FRMD6: variants seen among roughly 807,000 people sequenced by gnomAD.
FRMD6 encodes FERM domain containing 6, also known as FERM domain-containing protein 6.
Under a neutral mutation model 73.2 loss-of-function variants are expected in FRMD6, and 37 were observed. The ratio of observed to expected loss-of-function variants is 0.51; its 90% confidence interval spans 0.39 to 0.66. The LOEUF is 0.66. Ranked by LOEUF, FRMD6 falls within the 30% of genes least tolerant of loss-of-function variation. The probability of loss-of-function intolerance (pLI) is 0.00; values close to 1 mark genes in which losing one functional copy is unlikely to be tolerated. For synonymous variants in FRMD6, 273 were observed against 282.2 expected, an observed-to-expected ratio of 0.97 and a Z score of 0.33; for missense variants, 714 against 780.5, an observed-to-expected ratio of 0.91 and a Z score of 1.02.
At chr14:51,678,460 A>G (rs181353844) in intron 1 of FRMD6, among the ~76,000 whole-genome samples, 1 of 152,182 alleles carries the variant, frequency 6.6e-6, no homozygotes, top group Non-Finnish European at 1.5e-5. Flanking sequence ...GAAGAAATGT[A>G]CACATTTCCT....
At chr14:51,447,005 G>A in the FRMD6 span, among the ~76,000 whole-genome samples, 2 of 152,174 alleles carry the variant, frequency 1.3e-5, no homozygotes. Context: ...CTGTGAGGAA[G>A]TACTGAATGA....
intron 1 of FRMD6, among the ~76,000 whole-genome samples, chr14:51,500,337 A>C (rs1182184269): frequency 6.6e-6 from 1 of 151,980 alleles, no homozygotes; most frequent in Non-Finnish European, 1.5e-5. Context: ...GACCAGCTTG[A>C]CCTACATGGT....
intron 8 of FRMD6, among the ~76,000 whole-genome samples, 181 bp downstream of exon 8, chr14:51,711,777 A>G (rs1381086187): frequency 2.6e-5 from 4 of 152,202 alleles, no homozygotes; most frequent in Admixed American, 6.5e-5. Flanking sequence ...CTGATTGTTG[A>G]CAGTAATAAG....
intron 1 of FRMD6, among the ~76,000 whole-genome samples, chr14:51,679,555 CTTTTTTTTT>C (rs61250963): frequency 8.3e-6 from 1 of 120,588 alleles, no homozygotes; most frequent in Non-Finnish European, 1.8e-5. Context: ...CATTTGTTTT[CTTTTTTTTT>C]TTTTTTTTTG....
chr14:51,503,590 C>G (rs1354459911), intron 1 of FRMD6, among the ~76,000 whole-genome samples: 1 of 151,902 alleles, frequency 6.6e-6, no homozygotes, highest in Non-Finnish European at 1.5e-5. Flanking sequence ...GGTGGATAAG[C>G]TTTTTAACAT....
upstream of FRMD6, chr14:51,651,187 C>T (rs1191471672): frequency 3.3e-5 from 5 of 152,382 alleles, no homozygotes; most frequent in Admixed American, 2.6e-4. Context: ...GCACTAAAAC[C>T]ACAGCAGACA....
intron 2 of FRMD6, among the ~76,000 whole-genome samples, chr14:51,593,955 G>A (rs1889551781): frequency 6.6e-6 from 1 of 151,892 alleles, no homozygotes; most frequent in South Asian, 2.1e-4. Flanking sequence ...ACTTTCTGAA[G>A]CAAAAGTAAG....
rs546656632 is a variant in FRMD6 at position 51,558,191 on chromosome 14, G to A, written c.-209-12157G>A. ...ACCTTTTTAAAAATTAAATGAGGCC[G>A]GGCACGATGGCTCACACCTGTAATC... On this transcript the variant is annotated intron_variant, in intron 1 of 14. Coordinates refer to the FRMD6 transcript ENST00000356218. Among the ~76,000 whole-genome samples, 56 of 151,974 alleles carry A rather than the reference G, an allele frequency of 3.7e-4. 1 individual carries two copies. The highest frequency in any genetic ancestry group is 1.2e-3 in the African/African-American group (49 of 41,460).
chr14:51,642,543 A>G (rs1051869525), intron 2 of FRMD6, among the ~76,000 whole-genome samples: 1 of 152,176 alleles, frequency 6.6e-6, no homozygotes. Context: ...TCTCCTAAGT[A>G]AATAAATAAA....
At chr14:51,648,616 T>C (rs183883234), upstream of FRMD6, among the ~76,000 whole-genome samples, 165 of 152,326 alleles carry the variant, frequency 1.1e-3, no homozygotes, top group African/African-American at 3.8e-3. Context: ...CAGGGGATGT[T>C]TGATGCTCTC....
At chr14:51,514,277 T>A (rs181571437) in intron 1 of FRMD6, among the ~76,000 whole-genome samples, 63 of 152,184 alleles carry the variant, frequency 4.1e-4, no homozygotes, top group African/African-American at 1.5e-3. Context: ...TTCTCAATAA[T>A]TTTTAAGATA....
upstream of FRMD6, chr14:51,650,949 T>A (rs1892327877): frequency 6.6e-6 from 1 of 152,148 alleles, no homozygotes; most frequent in South Asian, 2.1e-4. Flanking sequence ...GTGCTGGGTG[T>A]CTCTCCTTTC....
the FRMD6 span, among the ~76,000 whole-genome samples, chr14:51,420,293 TA>T: frequency 6.6e-6 from 1 of 152,212 alleles, no homozygotes; most frequent in Admixed American, 6.5e-5. Flanking sequence ...AAGACGTGGT[TA>T]AAAAATTTGG....
rs1469962924 is a variant in FRMD6, at chr14:51,644,227, A to G, written c.-146-45464A>G. On this transcript the variant is annotated intron_variant, in intron 2 of 14. Transcript: ENST00000356218. ...ATAAGGTGTCCCATTCAAATCAACCAAGGCTTCTTAAGGGATAGATCATTT... is the reference window on the plus strand; with the variant it reads ...ATAAGGTGTCCCATTCAAATCAACCGAGGCTTCTTAAGGGATAGATCATTT... Among the ~76,000 whole-genome samples the G allele has an allele frequency of 7.9e-5, 12 of 152,172 alleles. No homozygotes were observed. The East Asian group carries it at 2.3e-3, about 29-fold the overall frequency.
chr14:51,642,071 T>G (rs1891837383), intron 2 of FRMD6, among the ~76,000 whole-genome samples: 2 of 152,212 alleles, frequency 1.3e-5, no homozygotes, highest in South Asian at 4.2e-4. Context: ...ACTTAAAGGC[T>G]TAAACTGTAG....
At chr14:51,671,034 A>G (rs185646360) in intron 1 of FRMD6, among the ~76,000 whole-genome samples, 35 of 152,268 alleles carry the variant, frequency 2.3e-4, no homozygotes, top group African/African-American at 8.2e-4. Flanking sequence ...TCAGTTTTTC[A>G]TCTTTTGTGG....
intron 2 of FRMD6, among the ~76,000 whole-genome samples, chr14:51,640,708 T>C (rs187405807): frequency 1.2e-4 from 18 of 152,338 alleles, no homozygotes; most frequent in Non-Finnish European, 1.0e-4. Flanking sequence ...AAAATGGCTT[T>C]AATCCATATG....
intron 2 of FRMD6, among the ~76,000 whole-genome samples, chr14:51,618,522 T>C (rs890354093): frequency 1.3e-5 from 2 of 152,166 alleles, no homozygotes; most frequent in Non-Finnish European, 2.9e-5. Context: ...AAAGAAATGA[T>C]GGTGGCTTGG....
intron 1 of FRMD6, among the ~76,000 whole-genome samples, chr14:51,529,444 A>G (rs1885454812): frequency 6.6e-6 from 1 of 152,174 alleles, no homozygotes; most frequent in South Asian, 2.1e-4. Context: ...TTAAAAATAC[A>G]TAACACACAT....
Sources: gnomAD v4.1 joint callset for allele counts (sites outside exome capture counted in the v4.1 genomes callset) on GRCh38, gnomAD v4.1.1 for gene constraint, MANE v1.5 for transcripts, NCBI Gene and HGNC (gene_info 2026-07-23, HGNC 2026-07-21) for gene names.